The following GBP3 variants were observed in gnomAD, a reference collection of about 807,000 sequenced individuals.
GBP3 encodes the protein guanylate-binding protein 3.
A neutral mutation model predicts 62.4 loss-of-function variants in GBP3; 55 were observed. The ratio of observed to expected loss-of-function variants is 0.88; its 90% CI spans 0.71 to 1.10. The LOEUF (loss-of-function observed/expected upper bound fraction) is 1.10, where lower values mean the gene tolerates loss of function less well. Ranked by LOEUF, GBP3 falls within the 50% of genes least tolerant of loss-of-function variation. GBP3 has a pLI of 0.00. For missense variants in GBP3, 605 were observed against 690.6 expected (o/e 0.88, Z 1.39); for synonymous variants, 208 against 259.2 (o/e 0.80, Z 1.90).
intron 1 of GBP3, among the ~76,000 whole-genome samples, chr1:89,021,227 T>C (rs1486647144): frequency 6.6e-6 from 1 of 152,156 alleles, no homozygotes; most frequent in Admixed American, 6.5e-5. Context: ...TTTCAACTGG[T>C]TATGCTTATT....
intron 1 of GBP3, among the ~76,000 whole-genome samples, chr1:89,021,499 T>TGCGCGCGCGCGCGCGC (rs143944083): frequency 8.4e-6 from 1 of 119,054 alleles, no homozygotes; most frequent in African/African-American, 3.1e-5. Flanking sequence ...GAAACACGCA[T>TGCGCGCGCGCGCGCGC]GCGCGCGCGC....
intron 2 of GBP3, among the ~76,000 whole-genome samples, chr1:89,019,212 C>A (rs4655891): frequency 0.39 from 58,725 of 152,122 alleles, 12,100 homozygotes; most frequent in Non-Finnish European, 0.46. Context: ...TGTAAGCAAC[C>A]CAAGTGTCAA....
rs1678578410 is a variant in GBP3, at chr1:89,011,758, T to C, written c.1138A>G (p.Lys380Glu). ...GATAGAAAAATTACCGCTAATTTCTTTTGAAACAGATGGTCCACATCCTTG... is the reference window on the plus strand; with the variant it reads ...GATAGAAAAATTACCGCTAATTTCTCTTGAAACAGATGGTCCACATCCTTG... ...SFKDVDHLFQ[K>E]KLAAQLDKKR... is the part of the protein sequence containing the mutation. Residue 380 changes from lysine to glutamate, a missense_variant, in exon 7 of 11, where the codon AAG (lysine) becomes GAG (glutamate). Physicochemically the swap from Lys to Glu is moderately conservative, Grantham distance 56 (BLOSUM62 1). Coordinates refer to ENST00000370481, the MANE Select transcript of GBP3 (RefSeq NM_018284.3). 6 of 1,462,444 alleles carry C rather than the reference T, an allele frequency of 4.1e-6. 1 individual carries two copies. Among genetic ancestry groups the C allele is most frequent in the Non-Finnish European group, 5.7e-6 (6 of 1,055,288 alleles). 90.6% of individuals were successfully genotyped at this position (1,462,444 alleles called of 1,614,324 possible).
Position 89,011,685 on chromosome 1 carries a change from A to T in GBP3, c.1149+62T>A. 1.4e-6 allele frequency: 2 copies of T among 1,422,758 alleles called. 1 individual carries two copies. The highest frequency in any genetic ancestry group is 1.9e-6 in the Non-Finnish European group (2 of 1,027,470). The allele number at this position is 1,422,758 out of a possible 1,614,324, so 88.1% of individuals were successfully genotyped here. A position where few individuals can be genotyped will look rare whatever the true frequency, so the allele number is the denominator to read the frequency against. On this transcript the variant is annotated intron_variant, in intron 7 of 10. Coordinates refer to ENST00000370481, the MANE Select transcript of GBP3 (RefSeq NM_018284.3). ...TTGTCTCAAAATAAATACCAATTTC[A>T]TTTCTTAGTAGTACTTTGCCTTCCA...
chr1:89,016,874 C>G (rs1570902966), intron 2 of GBP3, among the ~76,000 whole-genome samples: 1 of 152,172 alleles, frequency 6.6e-6, no homozygotes, highest in East Asian at 1.9e-4. Context: ...TGTGCTTGGC[C>G]AAACATTCTT....
At chr1:89,017,347 C>T (rs114484562) in intron 2 of GBP3, among the ~76,000 whole-genome samples, 1 of 150,508 alleles carries the variant, frequency 6.6e-6, no homozygotes, top group Non-Finnish European at 1.5e-5. Flanking sequence ...GGACTGTTAG[C>T]TTACACAATC....
rs116809989 is a variant in GBP3, at chr1:89,019,109, C to G, written c.190+1423G>C. On this transcript the variant is annotated intron_variant, in intron 2 of 10. Transcript: ENST00000370481. ...ACTATATGAGCCATCAGTTCCACTT[C>G]TGGGTGTATACTGAAAAGGAGTGAA... 3.8e-3 allele frequency among the ~76,000 whole-genome samples: 584 copies of G among 152,332 alleles called. 2 individuals are homozygous for G. The highest frequency in any genetic ancestry group is 0.013 in the African/African-American group (535 of 41,574).
At position 89,007,142 on chromosome 1, in the gene GBP3, G is replaced by A. The variant is rs1383187588; in HGVS notation, c.*582C>T. 1 of 152,186 alleles carries A rather than the reference G, an allele frequency of 6.6e-6. No individual in the cohort carries two copies. The highest frequency in any genetic ancestry group is 2.4e-5 in the African/African-American group (1 of 41,444). 9.4% of individuals were successfully genotyped at this position (152,186 alleles called of 1,614,324 possible). ...CAAGAAAGAAAAGATTTCTTCATTA[G>A]CCAATTTGTTTATGATTCAATTCCT... On this transcript the variant is annotated 3_prime_UTR_variant, in exon 11 of 11. Coordinates refer to ENST00000370481, the MANE Select transcript of GBP3 (RefSeq NM_018284.3).
intron 5 of GBP3, 125 bp from the exon 6 acceptor site, chr1:89,013,552 C>T (rs1198077383): frequency 2.1e-6 from 2 of 962,936 alleles, no homozygotes; most frequent in Non-Finnish European, 3.1e-6. Context: ...GTTATTGGAG[C>T]ATGACAACAG....
At chr1:89,021,510 G>GCGCGCGCACACACACACACACACACA (rs751639388) in intron 1 of GBP3, among the ~76,000 whole-genome samples, 1 of 131,738 alleles carries the variant, frequency 7.6e-6, no homozygotes, top group African/African-American at 3.0e-5. Context: ...GCGCGCGCGC[G>GCGCGCGCACACACACACACACACACA]CACACACACA....
In GBP3 at chr1:89,014,210, T is replaced by G. The variant is rs766214550; in HGVS notation, c.498A>C (p.Ser166=). 1.2e-6 allele frequency: 2 copies of G among 1,614,266 alleles called. No homozygotes were observed. The highest frequency in any genetic ancestry group is 1.7e-6 in the Non-Finnish European group (2 of 1,180,040). ...SSPDENENED[S]ADFVSFFPDF... Reference sequence around the variant, plus strand: ...CTGGGAAGAAGCTCACAAAGTCAGCTGAATCCTCATTCTCATTCTCATCAG... The same window carrying G: ...CTGGGAAGAAGCTCACAAAGTCAGCGGAATCCTCATTCTCATTCTCATCAG... Residue 166 remains serine (S), a synonymous_variant, in exon 5 of 11, where the codon TCA becomes TCC. Coordinates refer to ENST00000370481, the MANE Select transcript of GBP3 (RefSeq NM_018284.3).
chr1:89,016,774 C>G (rs907768494), intron 2 of GBP3, among the ~76,000 whole-genome samples: 2 of 152,138 alleles, frequency 1.3e-5, no homozygotes, highest in African/African-American at 4.8e-5. Context: ...GGGGTTTCCC[C>G]GTGTTGTCCA....
chr1:89,012,885 T>A (rs1678645465), intron 6 of GBP3, among the ~76,000 whole-genome samples: 1 of 139,844 alleles, frequency 7.2e-6, no homozygotes. Flanking sequence ...TCACCCAGGC[T>A]GGAGTGCAGT....
At chr1:89,008,913 GA>G (rs746794145) in intron 10 of GBP3, 33 bp downstream of exon 10, 4 of 1,613,790 alleles carry the variant, frequency 2.5e-6, no homozygotes, top group Middle Eastern at 1.7e-4. Context: ...AGAGAAAACA[GA>G]AAAACGAACC....
intron 10 of GBP3, 142 bp from the exon 11 acceptor site, chr1:89,007,994 T>C (rs1570882282): frequency 2.7e-6 from 2 of 752,420 alleles, no homozygotes; most frequent in East Asian, 5.8e-5. Flanking sequence ...ATTATAGTTT[T>C]TCTGGGCATT....
intron 1 of GBP3, among the ~76,000 whole-genome samples, chr1:89,021,979 T>A (rs1038757957): frequency 6.6e-6 from 1 of 150,976 alleles, no homozygotes; most frequent in Non-Finnish European, 1.5e-5. Context: ...CCGGCTTTAG[T>A]AGTGATGCAT....
In GBP3 at chr1:89,007,733, T is replaced by C; in HGVS notation, c.1779A>G (p.Leu593=). The part of the protein sequence containing the change: ...KKTKRYMSHK[L]KI ...AGAAAAGCTCTGTTGTTTAGATCTTTAGCTTATGCGACATATATCTCTTGG... is the reference window on the plus strand; with the variant it reads ...AGAAAAGCTCTGTTGTTTAGATCTTCAGCTTATGCGACATATATCTCTTGG... The change falls in exon 11 of 11, where the codon CTA becomes CTG. Residue 593 remains leucine (L), a synonymous_variant. Transcript: ENST00000370481. 6.2e-7 allele frequency: 1 copy of C among 1,611,768 alleles called. No homozygotes were observed. Among genetic ancestry groups the C allele is most frequent in the Non-Finnish European group, 8.5e-7 (1 of 1,179,242 alleles).
At chr1:89,013,843 A>C in intron 5 of GBP3, 1 of 479,958 alleles carries the variant, frequency 2.1e-6, no homozygotes, top group Non-Finnish European at 3.6e-6. Context: ...CTTATTTTAG[A>C]ACACAGGAGA....
intron 2 of GBP3, among the ~76,000 whole-genome samples, chr1:89,017,222 A>C (rs1387070227): frequency 6.6e-6 from 1 of 152,124 alleles, no homozygotes; most frequent in African/African-American, 2.4e-5. Flanking sequence ...ATAGTCAAAA[A>C]ATTTTCAACA....
Sources: gnomAD v4.1 joint callset for allele counts (sites outside exome capture counted in the v4.1 genomes callset) on GRCh38, gnomAD v4.1.1 for gene constraint, MANE v1.5 for transcripts, NCBI Gene and HGNC (gene_info 2026-07-23, HGNC 2026-07-21) for gene names.